MYH4: variants seen among roughly 807,000 people sequenced by gnomAD.
The protein encoded by MYH4 is myosin heavy chain 4.
Under a neutral mutation model 229.9 loss-of-function variants are expected in MYH4, and 200 were observed. The observed-to-expected ratio is 0.87, with a 90% CI of 0.78 to 0.98. The LOEUF is 0.98. MYH4 is among the 50% of genes least tolerant of loss of function. MYH4 has a pLI of 0.00. For synonymous variants in MYH4, 761 were observed against 834.6 expected, an observed-to-expected ratio of 0.91 and a Z score of 1.52; for missense variants, 2,148 against 2,332.6, an observed-to-expected ratio of 0.92 and a Z score of 1.63.
At chr17:10,468,396 C>T (rs1261256527) in intron 2 of MYH4, among the ~76,000 whole-genome samples, 1 of 152,178 alleles carries the variant, frequency 6.6e-6, no homozygotes, top group Non-Finnish European at 1.5e-5. Flanking sequence ...TCCACCCACA[C>T]AGTGATCATT....
chr17:10,457,308 T>A, intron 16 of MYH4, 112 bp downstream of exon 16: 3 of 1,159,776 alleles, frequency 2.6e-6, no homozygotes. Context: ...TCATTAGGCA[T>A]GTATTGGCCA....
In MYH4 at chr17:10,466,770, C is replaced by T. The variant is rs1446477190; in HGVS notation, c.-25G>A. 3.1e-6 allele frequency: 5 copies of T among 1,613,512 alleles called. No homozygotes were observed. The highest frequency in any genetic ancestry group is 1.3e-5 in the African/African-American group (1 of 74,898). ...TGGCTGCAGGTTATTGATGGCAGTA[C>T]TGGACTAGGTATACCTAGAGGAAGA... On this transcript the variant is annotated 5_prime_UTR_variant, in exon 3 of 40. Transcript: ENST00000255381.
Position 10,465,377 on chromosome 17 carries a change from G to GT in MYH4, c.505+64dup, listed in dbSNP as rs142435115. 2,553 of 1,573,964 alleles carry GT rather than the reference G, an allele frequency of 1.6e-3. 32 individuals are homozygous for GT. In the African/African-American group the frequency reaches 0.031, roughly 19 times the overall value. On this transcript the variant is annotated intron_variant, in intron 5 of 39. Coordinates refer to ENST00000255381, the MANE Select transcript of MYH4 (RefSeq NM_017533.2). ...GTTATTCTCAGAATACTAGCCCTAT[G>GT]TTTTTTCTGATATCAGTATACAACT... is the stretch of plus-strand genomic sequence containing the variant.
chr17:10,453,826 G>T lies in MYH4; in HGVS notation c.2751C>A (p.Ile917=). Residue 917 remains isoleucine, a synonymous_variant, in exon 23 of 40, where the codon ATC becomes ATA. Coordinates refer to ENST00000255381, the MANE Select transcript of MYH4 (RefSeq NM_017533.2). ...CCTCTTTGATTTTGGCCTCAAGTTG[G>T]ATTTTGGTTTTAATCAACTGATCAC... is the stretch of plus-strand genomic sequence containing the variant. ...ERCDQLIKTK[I]QLEAKIKEVT... is the part of the protein sequence containing the mutation. 1.9e-6 allele frequency: 3 copies of T among 1,614,034 alleles called. No individual in the cohort carries two copies. The highest frequency in any genetic ancestry group is 2.5e-6 in the Non-Finnish European group (3 of 1,179,996).
Position 10,454,621 on chromosome 17 carries a change from T to A in MYH4, c.2625A>T (p.Lys875Asn), listed in dbSNP as rs1191035618. Residue 875 changes from lysine (K) to asparagine (N), a missense_variant, in exon 22 of 40, where the codon AAA (lysine) becomes AAT (asparagine). Physicochemically the swap from Lys to Asn is moderately conservative, Grantham distance 94 (BLOSUM62 0). Transcript: ENST00000255381. ...GCGTCACCATCTTTTCTTCTAGTTC[T>A]TTCCTTTTTGCCTCTGTCTTAGCCA... is the stretch of plus-strand genomic sequence containing the variant. ...EELAKTEAKR[K>N]ELEEKMVTLM... 6.2e-7 allele frequency: 1 copy of A among 1,614,230 alleles called. No homozygotes were observed. The highest frequency in any genetic ancestry group is 1.7e-5 in the Admixed American group (1 of 60,032).
intron 2 of MYH4, among the ~76,000 whole-genome samples, chr17:10,468,039 C>G (rs918844364): frequency 6.6e-6 from 1 of 152,186 alleles, no homozygotes; most frequent in Non-Finnish European, 1.5e-5. Context: ...TCCACATACT[C>G]TATTTTCAAA....
At chr17:10,444,740 A>C (rs2072491428) in intron 38 of MYH4, 41 bp from the exon 39 acceptor site, 1 of 1,612,546 alleles carries the variant, frequency 6.2e-7, no homozygotes, top group South Asian at 1.1e-5. Flanking sequence ...ATTTTAAAAC[A>C]ACTCATGATT....
At position 10,456,569 on chromosome 17, in the gene MYH4, T is replaced by C; in HGVS notation, c.1898-14A>G. On this transcript the variant is annotated splice_polypyrimidine_tract_variant and intron_variant, in intron 16 of 39. Transcript: ENST00000255381. The stretch of plus-strand genomic sequence containing the variant: ...CACCACCACCCTCTAAAAAACAAAA[T>C]GGGAAAAATAAAGTTATTTGCAACT... 1.2e-6 allele frequency: 2 copies of C among 1,612,104 alleles called. No homozygotes were observed. Among genetic ancestry groups the C allele is most frequent in the Non-Finnish European group, 1.7e-6 (2 of 1,178,402 alleles).
intron 18 of MYH4, 21 bp from the exon 19 acceptor site, chr17:10,455,752 G>A (rs747137770): frequency 1.7e-5 from 28 of 1,614,104 alleles, no homozygotes; most frequent in Non-Finnish European, 2.1e-5. Flanking sequence ...GAATCCACAT[G>A]CCATACTTCG....
chr17:10,462,967 T>G lies in MYH4; in HGVS notation c.906A>C (p.Glu302Asp). Residue 302 changes from glutamate (E) to aspartate (D), a missense_variant and splice_region_variant, in exon 11 of 40, where the codon GAA (glutamate) becomes GAC (aspartate). By Grantham distance (45) the Glu-to-Asp change is conservative. Transcript: ENST00000255381. ...ILSNKKPELI[E>D]MLLITTNPYD... is the part of the protein sequence containing the mutation. ...ATGGGTTGGTGGTGATCAGAAGCAT[T>G]TCTGAACACATGGAAAAGAACAGTA... 6.2e-7 allele frequency: 1 copy of G among 1,613,782 alleles called. No homozygotes were observed. The highest frequency in any genetic ancestry group is 8.5e-7 in the Non-Finnish European group (1 of 1,179,734).
In MYH4 at chr17:10,447,074, C is replaced by T; in HGVS notation, c.5108G>A (p.Arg1703Lys). The T allele has an allele frequency of 6.2e-7, 1 of 1,614,176 alleles. No individual in the cohort carries two copies. Among genetic ancestry groups the T allele is most frequent in the South Asian group, 1.1e-5 (1 of 91,086 alleles). ...RASLERTERG[R>K]KMAEQELLDA... ...CAGAAGCTCTTGCTCTGCCATTTTC[C>T]TGCCTCTCTCAGTCCGTTCCAGGGA... Residue 1703 changes from arginine (R) to lysine (K), a missense_variant, in exon 35 of 40, where the codon AGG becomes AAG. Coordinates refer to ENST00000255381, the MANE Select transcript of MYH4 (RefSeq NM_017533.2).
intron 2 of MYH4, among the ~76,000 whole-genome samples, chr17:10,467,044 A>G (rs1434830692): frequency 6.6e-6 from 1 of 152,206 alleles, no homozygotes; most frequent in Non-Finnish European, 1.5e-5. Context: ...ATGTGGAGGA[A>G]TCAACATTCA....
chr17:10,454,459 C>G, intron 22 of MYH4, 96 bp downstream of exon 22: 1 of 1,492,452 alleles, frequency 6.7e-7, no homozygotes. Flanking sequence ...TGTTTTTGAA[C>G]AGCAAACAAT....
intron 25 of MYH4, 80 bp from the exon 26 acceptor site, chr17:10,452,586 T>G: frequency 7.1e-7 from 1 of 1,404,038 alleles, no homozygotes; most frequent in Non-Finnish European, 9.9e-7. Context: ...AGACTTTTTT[T>G]ATACTGCTGG....
intron 21 of MYH4, 65 bp downstream of exon 21, chr17:10,454,876 G>T: frequency 6.2e-7 from 1 of 1,610,228 alleles, no homozygotes; most frequent in Non-Finnish European, 8.5e-7. Flanking sequence ...CTCAACAAAA[G>T]TAATGACTGC....
intron 14 of MYH4, 137 bp from the exon 15 acceptor site, chr17:10,459,558 A>G (rs546344146): frequency 1.4e-6 from 2 of 1,428,528 alleles, no homozygotes; most frequent in South Asian, 2.8e-5. Context: ...CCTATTATAT[A>G]GTTCTAAACA....
rs1567706492 is a variant in MYH4, at chr17:10,463,411, GAAA to G, written c.742-13_742-11del. 1 of 1,610,530 alleles carries G rather than the reference GAAA, an allele frequency of 6.2e-7. No individual in the cohort carries two copies. Among genetic ancestry groups the G allele is most frequent in the Non-Finnish European group, 8.5e-7 (1 of 1,178,266 alleles). On this transcript the variant is annotated splice_polypyrimidine_tract_variant and intron_variant, in intron 8 of 39. Transcript: ENST00000255381. ...TCCTGATGAATTTACCCTTAAAAAA[GAAA>G]AGGAGGGATTATTATACACATTAAA...
chr17:10,459,213 G>T (rs761089376), intron 15 of MYH4, 38 bp downstream of exon 15: 4 of 1,613,754 alleles, frequency 2.5e-6, no homozygotes, highest in Non-Finnish European at 3.4e-6. Flanking sequence ...CAAGCAATTT[G>T]GTTTTCATGT....
Position 10,466,432 on chromosome 17 carries a change from A to T in MYH4, c.205-16T>A. On this transcript the variant is annotated splice_polypyrimidine_tract_variant and intron_variant, in intron 3 of 39. Coordinates refer to ENST00000255381, the MANE Select transcript of MYH4 (RefSeq NM_017533.2). ...CAGTTACAGTCTGTTAAGAAAAGAA[A>T]AAACAAGTGCATATCAAATAAGTAG... The T allele has an allele frequency of 6.2e-7, 1 of 1,613,314 alleles. No homozygotes were observed. The highest frequency in any genetic ancestry group is 8.5e-7 in the Non-Finnish European group (1 of 1,179,830).
Sources: gnomAD v4.1 joint callset for allele counts (sites outside exome capture counted in the v4.1 genomes callset) on GRCh38, gnomAD v4.1.1 for gene constraint, MANE v1.5 for transcripts, NCBI Gene and HGNC (gene_info 2026-07-23, HGNC 2026-07-21) for gene names.